Variants in DLGAP1 observed in about 807,000 individuals in gnomAD.
DLGAP1 encodes the protein DLG associated protein 1.
DLGAP1 carries 11 observed loss-of-function variants against 90.8 expected under a neutral mutation model. That is an observed-to-expected ratio of 0.12 (90% CI 0.08 to 0.20). The LOEUF is 0.20. DLGAP1 is among the 10% of genes least tolerant of loss of function. The pLI, the probability that DLGAP1 is intolerant of heterozygous loss-of-function variation, is 1.00. For missense variants in DLGAP1, 1,050 were observed against 1,333.8 expected, an observed-to-expected ratio of 0.79 and a Z score of 3.31; for synonymous variants, 558 against 540.7, an observed-to-expected ratio of 1.03 and a Z score of -0.44.
Position 3,498,959 on chromosome 18 carries a change from A to G in DLGAP1, c.*226T>C. 1.8e-6 allele frequency: 1 copy of G among 552,828 alleles called. No homozygotes were observed. 34.2% of individuals were successfully genotyped at this position (552,828 alleles called of 1,614,324 possible). A position where few individuals can be genotyped will look rare whatever the true frequency, so the allele number is the denominator to read the frequency against. On this transcript the variant is annotated 3_prime_UTR_variant, in exon 13 of 13. Coordinates refer to ENST00000315677, the MANE Select transcript of DLGAP1 (RefSeq NM_004746.4). ...TGAGGCAGGGCGACGGCATCAGGAC[A>G]GGGGGCGAAGCTCGGTGAAGAAGGA...
chr18:4,006,448 T>C (rs1267864400), intron 2 of DLGAP1, among the ~76,000 whole-genome samples: 2 of 152,228 alleles, frequency 1.3e-5, no homozygotes, highest in African/African-American at 2.4e-5. Flanking sequence ...ACTACCACTC[T>C]GTTCTCACCA....
rs574112776 is a variant in DLGAP1, at chr18:4,245,135, T to C, written c.-266-93848A>G. Among the ~76,000 whole-genome samples, 5 of 152,302 alleles carry C rather than the reference T, an allele frequency of 3.3e-5. No individual in the cohort carries two copies. In the East Asian group the frequency reaches 7.7e-4, roughly 23 times the overall value. On this transcript the variant is annotated intron_variant, in intron 1 of 12. Coordinates refer to ENST00000315677, the MANE Select transcript of DLGAP1 (RefSeq NM_004746.4). Reference sequence around the variant, plus strand: ...GCTGCTACTGGTATAACTCAGAACATTGCTCCAATATTCAAAGTGTATAAG... The same window carrying C: ...GCTGCTACTGGTATAACTCAGAACACTGCTCCAATATTCAAAGTGTATAAG...
At chr18:4,300,845 G>C (rs2080108177) in intron 1 of DLGAP1, among the ~76,000 whole-genome samples, 4 of 152,136 alleles carry the variant, frequency 2.6e-5, no homozygotes, top group Admixed American at 2.6e-4. Context: ...TTTTAAGAAA[G>C]CTTTCTCCCC....
At chr18:4,091,866 G>A (rs1202290593) in intron 2 of DLGAP1, among the ~76,000 whole-genome samples, 2 of 148,242 alleles carry the variant, frequency 1.3e-5, no homozygotes, top group Non-Finnish European at 3.0e-5. Context: ...TTTGAGTCTA[G>A]TTGATAATTT....
At chr18:4,360,590 T>C (rs34203536) in intron 1 of DLGAP1, among the ~76,000 whole-genome samples, 20,566 of 152,224 alleles carry the variant, frequency 0.14, 1,587 homozygotes, top group African/African-American at 0.21. Context: ...AGTCTATAAT[T>C]CAGTGTTATG....
chr18:3,795,887 C>G (rs147096171), intron 5 of DLGAP1, among the ~76,000 whole-genome samples: 1 of 152,180 alleles, frequency 6.6e-6, no homozygotes, highest in East Asian at 1.9e-4. Flanking sequence ...AATTTGTTAT[C>G]CTTGTATTGT....
chr18:4,089,812 G>A (rs9960380), intron 2 of DLGAP1, among the ~76,000 whole-genome samples: 96,964 of 151,684 alleles, frequency 0.64, 31,765 homozygotes, highest in Middle Eastern at 0.72. Context: ...TTGGGAGGCC[G>A]AGGCGGGCGG....
Position 4,378,023 on chromosome 18 carries a change from T to TATC in DLGAP1, c.-267+76980_-267+76982dup. ...CCATATTACAGAATGATATGAAATC[T>TATC]ATCTATTTTTGTCTATGTGTTTTTA... On this transcript the variant is annotated intron_variant, in intron 1 of 12. Transcript: ENST00000315677. The surrounding 1 kb of genome is among the most constrained non-coding windows in gnomAD (Gnocchi z 4.5). Among the ~76,000 whole-genome samples, 1 of 150,910 alleles carries TATC rather than the reference T, an allele frequency of 6.6e-6. No homozygotes were observed. The highest frequency in any genetic ancestry group is 1.9e-4 in the East Asian group (1 of 5,166).
At chr18:3,933,479 A>C (rs1048857348) in intron 3 of DLGAP1, among the ~76,000 whole-genome samples, 1 of 152,256 alleles carries the variant, frequency 6.6e-6, no homozygotes, top group African/African-American at 2.4e-5. Context: ...CCAATTTAGA[A>C]ATCAAGTTTG....
chr18:4,185,413 C>G (rs2077275703), intron 1 of DLGAP1, among the ~76,000 whole-genome samples: 2 of 151,948 alleles, frequency 1.3e-5, no homozygotes, highest in African/African-American at 4.8e-5. Flanking sequence ...CTCCTCCAAC[C>G]CTCGACTCCC....
chr18:4,382,178 T>C (rs576462394), intron 1 of DLGAP1, among the ~76,000 whole-genome samples: 1 of 152,282 alleles, frequency 6.6e-6, no homozygotes, highest in East Asian at 1.9e-4. Flanking sequence ...ATTGTTCTTA[T>C]GTCACCCAGT....
chr18:3,937,970 G>A (rs565045856), intron 3 of DLGAP1, among the ~76,000 whole-genome samples: 1 of 152,300 alleles, frequency 6.6e-6, no homozygotes, highest in African/African-American at 2.4e-5. Context: ...TTACAGGGCT[G>A]TCATTAGGAT....
intron 1 of DLGAP1, among the ~76,000 whole-genome samples, chr18:4,340,095 C>G (rs2081157600): frequency 6.6e-6 from 1 of 152,120 alleles, no homozygotes; most frequent in African/African-American, 2.4e-5. Context: ...TGCATACATA[C>G]TTTTAGTAAA....
rs565940871 is a variant in DLGAP1 at position 3,651,231 on chromosome 18, C to T, written c.1592-68983G>A. On this transcript the variant is annotated intron_variant, in intron 7 of 12. Transcript: ENST00000315677. ...AAAATTAGCTGGGCATGGTGGCAGG[C>T]GCCTGTAATCCCGGCTACTTGGGAG... 1.9e-4 allele frequency among the ~76,000 whole-genome samples: 28 copies of T among 151,312 alleles called. 1 individual carries two copies. The highest frequency in any genetic ancestry group is 1.3e-3 in the South Asian group (6 of 4,768).
chr18:4,184,798 T>A (rs1314013643), intron 1 of DLGAP1, among the ~76,000 whole-genome samples: 1 of 152,090 alleles, frequency 6.6e-6, no homozygotes, highest in Non-Finnish European at 1.5e-5. Flanking sequence ...CGCATACACA[T>A]CTCTGATGGA....
chr18:3,700,901 G>T (rs1037609995), intron 7 of DLGAP1, among the ~76,000 whole-genome samples: 1 of 150,132 alleles, frequency 6.7e-6, no homozygotes, highest in Non-Finnish European at 1.5e-5. Context: ...GAGCCATCAC[G>T]CCCAGCCGAC....
At position 3,508,646 on chromosome 18, in the gene DLGAP1, C is replaced by T. The variant is rs562356088; in HGVS notation, c.2495G>A (p.Arg832Gln). ...AAGTTGGGCACTGCCCACTGCGGTT[C>T]GGATTTTTCCTAGAACTGGAAAGAG... ...NLPEDILGKI[R>Q]TAVGSAQLLM... is the part of the protein sequence containing the mutation. The change falls in exon 11 of 13, where the codon CGA becomes CAA. Residue 832 changes from arginine to glutamine, a missense_variant. Around this residue, in one of 2 missense-constraint regions of DLGAP1, gnomAD observed 565 missense variants for 879.7 expected, o/e 0.64. Coordinates refer to ENST00000315677, the MANE Select transcript of DLGAP1 (RefSeq NM_004746.4). The T allele has an allele frequency of 1.2e-5, 20 of 1,613,698 alleles. No individual in the cohort carries two copies. The East Asian group carries it at 2.5e-4, about 20-fold the overall frequency.
At chr18:3,735,551 T>C (rs1055741457) in intron 6 of DLGAP1, among the ~76,000 whole-genome samples, 1 of 152,160 alleles carries the variant, frequency 6.6e-6, no homozygotes, top group Non-Finnish European at 1.5e-5. Context: ...TCTAGGTATA[T>C]GGTACACACT....
intron 7 of DLGAP1, among the ~76,000 whole-genome samples, chr18:3,649,251 A>G (rs1223165012): frequency 6.6e-6 from 1 of 152,194 alleles, no homozygotes; most frequent in East Asian, 1.9e-4. Context: ...CCAGGACTCA[A>G]AAAACAGACT....
Sources: gnomAD v4.1 joint callset for allele counts (sites outside exome capture counted in the v4.1 genomes callset) on GRCh38, gnomAD v4.1.1 for gene constraint, gnomAD v4.1.1 regional missense constraint, Gnocchi (gnomAD v3.1) non-coding constraint, MANE v1.5 for transcripts, NCBI Gene and HGNC (gene_info 2026-07-23, HGNC 2026-07-21) for gene names.